The following CCDC122 variants were observed in gnomAD, a reference collection of about 807,000 sequenced individuals.
The protein encoded by CCDC122 is coiled-coil domain-containing protein 122.
A neutral mutation model predicts 37.0 loss-of-function variants in CCDC122; 38 were observed. The observed-to-expected ratio is 1.03, with a 90% CI of 0.79 to 1.35. CCDC122 has a LOEUF of 1.35. Among genes scored for constraint, CCDC122 ranks in the 40% most tolerant of loss-of-function variants. CCDC122 has a pLI of 0.00. For synonymous variants in CCDC122, 83 were observed against 95.6 expected, an observed-to-expected ratio of 0.87 and a Z score of 0.77; for missense variants, 305 against 310.0, an observed-to-expected ratio of 0.98 and a Z score of 0.12.
chr13:43,869,403 CT>C lies in CCDC122; in HGVS notation c.-28del. ...TTCTGTGTCTGTAATCTCTTTTCCCCTTTTTGATTTACCTTCTTTACTCCTA... is the reference window on the plus strand; with the variant it reads ...TTCTGTGTCTGTAATCTCTTTTCCCCTTTTGATTTACCTTCTTTACTCCTA... On this transcript the variant is annotated 5_prime_UTR_variant, in exon 3 of 7. Coordinates refer to ENST00000444614, the MANE Select transcript of CCDC122 (RefSeq NM_144974.5). The C allele has an allele frequency of 6.3e-7, 1 of 1,588,910 alleles. No individual in the cohort carries two copies. Among genetic ancestry groups the C allele is most frequent in the Non-Finnish European group, 8.6e-7 (1 of 1,163,930 alleles).
At chr13:43,841,545 T>G (rs1396247578) in intron 6 of CCDC122, among the ~76,000 whole-genome samples, 1 of 152,218 alleles carries the variant, frequency 6.6e-6, no homozygotes, top group Non-Finnish European at 1.5e-5. Flanking sequence ...TGTCTTCTTT[T>G]GTTAAGTTCT....
At chr13:43,852,048 A>G (rs1320157922) in intron 6 of CCDC122, among the ~76,000 whole-genome samples, 1 of 152,138 alleles carries the variant, frequency 6.6e-6, no homozygotes, top group Non-Finnish European at 1.5e-5. Context: ...GAACCAGCAC[A>G]AAAACCCTGA....
intron 6 of CCDC122, among the ~76,000 whole-genome samples, chr13:43,843,255 A>C (rs181462212): frequency 7.2e-4 from 110 of 152,110 alleles, no homozygotes; most frequent in Admixed American, 1.4e-3. Flanking sequence ...CTATTCTCAT[A>C]AAATTTGTTG....
intron 6 of CCDC122, among the ~76,000 whole-genome samples, chr13:43,839,297 T>A (rs947130714): frequency 5.3e-5 from 8 of 152,220 alleles, no homozygotes; most frequent in African/African-American, 1.9e-4. Context: ...TTTCTCCTTG[T>A]ATACATTTGC....
Position 43,859,730 on chromosome 13 carries a change from T to C in CCDC122, c.497A>G (p.Lys166Arg). 6.3e-7 allele frequency: 1 copy of C among 1,594,972 alleles called. No individual in the cohort carries two copies. The highest frequency in any genetic ancestry group is 8.5e-7 in the Non-Finnish European group (1 of 1,174,430). The change falls in exon 5 of 7, where the codon AAA becomes AGA. Residue 166 changes from lysine to arginine, a missense_variant. Physicochemically the swap from Lys to Arg is conservative, Grantham distance 26. Coordinates refer to ENST00000444614, the MANE Select transcript of CCDC122 (RefSeq NM_144974.5). ...TTGAAGATCTTGCATAAGTTCTTCT[T>C]TCATTGTCTTTAATTTTTTAACAAA... ...RDFVKKLKTM[K>R]EELMQDLQNP... is the part of the protein sequence containing the mutation.
downstream of CCDC122, among the ~76,000 whole-genome samples, chr13:43,834,339 C>G (rs1953119341): frequency 6.6e-6 from 1 of 152,180 alleles, no homozygotes; most frequent in Admixed American, 6.5e-5. Context: ...AACATTAGAT[C>G]TAAAACCATA....
downstream of CCDC122, among the ~76,000 whole-genome samples, chr13:43,821,169 C>T (rs1405678754): frequency 6.6e-6 from 1 of 152,142 alleles, no homozygotes; most frequent in African/African-American, 2.4e-5. Flanking sequence ...AATCTACTCG[C>T]TGCTCAATAT....
chr13:43,843,178 T>A (rs1340432578), intron 6 of CCDC122, among the ~76,000 whole-genome samples: 2 of 152,016 alleles, frequency 1.3e-5, no homozygotes, highest in South Asian at 4.1e-4. Flanking sequence ...TATAATAAAT[T>A]CCCTTTATCA....
intron 2 of CCDC122, among the ~76,000 whole-genome samples, chr13:43,870,840 A>G (rs1422146950): frequency 6.6e-6 from 1 of 152,084 alleles, no homozygotes; most frequent in African/African-American, 2.4e-5. Flanking sequence ...CTAGACTATG[A>G]TAGACTACCA....
chr13:43,848,611 G>A (rs1276591376), intron 6 of CCDC122: 1 of 157,034 alleles, frequency 6.4e-6, no homozygotes, highest in East Asian at 1.9e-4. Context: ...AGATACTGGG[G>A]GGAAGGACAT....
At chr13:43,871,265 C>CATTT (rs1219494456) in intron 2 of CCDC122, among the ~76,000 whole-genome samples, 4 of 152,032 alleles carry the variant, frequency 2.6e-5, no homozygotes, top group African/African-American at 9.7e-5. Flanking sequence ...TGGTAAAGTG[C>CATTT]ATTTATAGAG....
rs184333355 is a variant in CCDC122 at position 43,850,762 on chromosome 13, G to T, written c.672+8019C>A. Among the ~76,000 whole-genome samples, 283 of 152,266 alleles carry T rather than the reference G, an allele frequency of 1.9e-3. 2 individuals are homozygous for T. Among genetic ancestry groups the T allele is most frequent in the Non-Finnish European group, 3.0e-3 (203 of 68,018 alleles). ...ACAGATTTTTTAAAAAAGTATTCAAGTAACTGATGGCTGAAAAATCCTAAA... is the reference window on the plus strand; with the variant it reads ...ACAGATTTTTTAAAAAAGTATTCAATTAACTGATGGCTGAAAAATCCTAAA... On this transcript the variant is annotated intron_variant, in intron 6 of 6. Transcript: ENST00000444614.
chr13:43,841,401 G>T (rs1344682012), intron 6 of CCDC122, among the ~76,000 whole-genome samples: 1 of 152,098 alleles, frequency 6.6e-6, no homozygotes, highest in East Asian at 1.9e-4. Flanking sequence ...GCAACATTTG[G>T]TATTAATATT....
rs533312721 is a variant in CCDC122, at chr13:43,839,279, G to A, written c.673-1850C>T. Among the ~76,000 whole-genome samples, 9 of 152,220 alleles carry A rather than the reference G, an allele frequency of 5.9e-5. No homozygotes were observed. In the South Asian group the frequency reaches 6.2e-4, roughly 11 times the overall value. ...CCCACACTTAACCCTCGGCAACCAT[G>A]AATCTAGTTTCTCCTTGTATACATT... On this transcript the variant is annotated intron_variant, in intron 6 of 6. Coordinates refer to ENST00000444614, the MANE Select transcript of CCDC122 (RefSeq NM_144974.5).
rs1020847398 is a variant in CCDC122, at chr13:43,836,936, T to A, written c.*344A>T. On this transcript the variant is annotated 3_prime_UTR_variant, in exon 7 of 7. Coordinates refer to ENST00000444614, the MANE Select transcript of CCDC122 (RefSeq NM_144974.5). ...CAATTTAAATCAGTGAAAATTCGAG[T>A]GTTTTTTCCCTTCTAAATTTTTACT... is the stretch of plus-strand genomic sequence containing the variant. 1.7e-5 allele frequency: 3 copies of A among 172,590 alleles called. No homozygotes were observed. The highest frequency in any genetic ancestry group is 4.8e-5 in the African/African-American group (2 of 42,086). The allele number at this position is 172,590 out of a possible 1,614,324, so 10.7% of individuals were successfully genotyped here.
chr13:43,824,615 A>G (rs1953022410), intron 3 of CCDC122, among the ~76,000 whole-genome samples: 1 of 152,210 alleles, frequency 6.6e-6, no homozygotes. Flanking sequence ...AGAGTAAACA[A>G]TCTACAGAAT....
chr13:43,871,997 C>CA (rs1240238496), intron 2 of CCDC122, among the ~76,000 whole-genome samples: 1 of 152,074 alleles, frequency 6.6e-6, no homozygotes, highest in Non-Finnish European at 1.5e-5. Context: ...TCAATATCCA[C>CA]AAAAATAGTA....
intron 3 of CCDC122, 139 bp downstream of exon 3, chr13:43,869,192 G>A: frequency 1.4e-6 from 1 of 695,682 alleles, no homozygotes; most frequent in Non-Finnish European, 2.5e-6. Flanking sequence ...GCTAAACACT[G>A]TATATGTTTG....
At chr13:43,841,294 C>T (rs2153870224) in intron 6 of CCDC122, among the ~76,000 whole-genome samples, 1 of 152,254 alleles carries the variant, frequency 6.6e-6, no homozygotes, top group East Asian at 1.9e-4. Context: ...TATATGCTAA[C>T]TTTTTAGGAA....
Sources: allele counts gnomAD v4.1 joint callset (sites outside exome capture counted in the v4.1 genomes callset), GRCh38; gene constraint gnomAD v4.1.1; transcripts MANE v1.5; gene names NCBI Gene and HGNC (gene_info 2026-07-23, HGNC 2026-07-21).